Variants in NFIB observed in about 807,000 individuals in gnomAD.
NFIB encodes nuclear factor I B, also known as nuclear factor 1 B-type.
Under a neutral mutation model 61.5 loss-of-function variants are expected in NFIB, and 11 were observed. The observed-to-expected ratio is 0.18, with a 90% CI of 0.11 to 0.30. The LOEUF is 0.30. NFIB is among the 10% of genes least tolerant of loss of function. NFIB has a pLI of 1.00. For missense variants in NFIB, 471 were observed against 608.9 expected (o/e 0.77, Z 2.38); for synonymous variants, 260 against 216.5 (o/e 1.20, Z -1.76).
At chr9:14,352,751 CTG>C (rs2061128837) in intron 1 of NFIB, among the ~76,000 whole-genome samples, 1 of 152,234 alleles carries the variant, frequency 6.6e-6, no homozygotes, top group Non-Finnish European at 1.5e-5. Context: ...AGGGAAAGGA[CTG>C]TGTAAACTTG....
At chr9:14,340,954 T>C (rs1330133085) in intron 1 of NFIB, among the ~76,000 whole-genome samples, 1 of 151,220 alleles carries the variant, frequency 6.6e-6, no homozygotes, top group Admixed American at 6.6e-5. Context: ...CGGTAGTGGT[T>C]CTTATTTATA....
the NFIB span, among the ~76,000 whole-genome samples, chr9:14,443,621 C>T: frequency 3.3e-5 from 5 of 152,336 alleles, no homozygotes; most frequent in South Asian, 2.1e-4. Context: ...TTAACACTCT[C>T]GGAGATATCT....
chr9:14,517,871 T>C, the NFIB span, among the ~76,000 whole-genome samples: 1 of 152,190 alleles, frequency 6.6e-6, no homozygotes, highest in South Asian at 2.1e-4. Flanking sequence ...GGAATTAATC[T>C]TCTGCTCTCT....
the NFIB span, among the ~76,000 whole-genome samples, chr9:14,418,522 C>A: frequency 6.6e-6 from 1 of 152,114 alleles, no homozygotes; most frequent in Non-Finnish European, 1.5e-5. Context: ...TAGGGGTATG[C>A]TTGGAGAAGT....
chr9:14,276,225 T>C (rs1211145910), intron 2 of NFIB, among the ~76,000 whole-genome samples: 2 of 152,304 alleles, frequency 1.3e-5, no homozygotes, highest in East Asian at 3.9e-4. Flanking sequence ...AAAGATACTG[T>C]TCTTAATCCC....
chr9:14,154,224 G>T (rs563385443), intron 4 of NFIB, among the ~76,000 whole-genome samples: 72 of 152,086 alleles, frequency 4.7e-4, no homozygotes, highest in African/African-American at 1.7e-3. Flanking sequence ...CTATCATGAG[G>T]TACTAAATAA....
chr9:14,253,291 A>T (rs1007807202), intron 2 of NFIB, among the ~76,000 whole-genome samples: 1 of 152,220 alleles, frequency 6.6e-6, no homozygotes, highest in African/African-American at 2.4e-5. Flanking sequence ...TTTGAAAGAA[A>T]GAGACTTGCT....
At chr9:14,417,784 T>G in the NFIB span, among the ~76,000 whole-genome samples, 4 of 145,844 alleles carry the variant, frequency 2.7e-5, no homozygotes, top group Non-Finnish European at 4.5e-5. Context: ...GTTTTTTTTT[T>G]TTTTTTTTTT....
chr9:14,217,528 C>T (rs945951411), intron 2 of NFIB, among the ~76,000 whole-genome samples: 13 of 151,820 alleles, frequency 8.6e-5, no homozygotes, highest in Non-Finnish European at 1.5e-4. Context: ...GGCGTGGTGG[C>T]GCATGCCTGT....
At chr9:14,378,363 C>CT (rs1005516778) in intron 1 of NFIB, among the ~76,000 whole-genome samples, 10 of 152,150 alleles carry the variant, frequency 6.6e-5, no homozygotes, top group African/African-American at 2.4e-4. Context: ...TTCTTTCGTT[C>CT]TTTTTTTGTT....
the NFIB span, among the ~76,000 whole-genome samples, chr9:14,511,464 T>C: frequency 6.6e-6 from 1 of 152,160 alleles, no homozygotes; most frequent in Non-Finnish European, 1.5e-5. Flanking sequence ...TATTGAGTGC[T>C]TATTATATAA....
chr9:14,167,508 G>T (rs1008394835), intron 3 of NFIB, among the ~76,000 whole-genome samples: 3 of 152,092 alleles, frequency 2.0e-5, no homozygotes, highest in Non-Finnish European at 4.4e-5. Context: ...ACTCCAGACC[G>T]GGCAACAGAG....
intron 5 of NFIB, among the ~76,000 whole-genome samples, chr9:14,147,700 G>A (rs1587024955): frequency 7.9e-6 from 1 of 126,810 alleles, no homozygotes; most frequent in South Asian, 2.5e-4. Context: ...AGTACACTGT[G>A]GCTCAATCTT....
chr9:14,194,408 T>C (rs951617917), intron 2 of NFIB, among the ~76,000 whole-genome samples: 2 of 152,056 alleles, frequency 1.3e-5, no homozygotes, highest in Non-Finnish European at 2.9e-5. Context: ...AAGACAGAAA[T>C]AGCCCTTGAC....
the NFIB span, among the ~76,000 whole-genome samples, chr9:14,507,967 CACAA>C: frequency 4.5e-5 from 6 of 132,476 alleles, no homozygotes; most frequent in Non-Finnish European, 8.1e-5. Flanking sequence ...CACAGACACA[CACAA>C]ACACACACAC....
intron 10 of NFIB, among the ~76,000 whole-genome samples, chr9:14,107,928 T>G (rs921051783): frequency 7.2e-5 from 11 of 152,160 alleles, no homozygotes; most frequent in African/African-American, 2.7e-4. Context: ...TAATTTTACT[T>G]TTACATTAAT....
the NFIB span, among the ~76,000 whole-genome samples, chr9:14,515,667 T>C: frequency 6.6e-6 from 1 of 152,156 alleles, no homozygotes; most frequent in Non-Finnish European, 1.5e-5. Flanking sequence ...TGAGGCCCAA[T>C]GTCCTAGAAC....
chr9:14,296,174 T>G (rs146752765), intron 2 of NFIB, among the ~76,000 whole-genome samples: 1 of 152,264 alleles, frequency 6.6e-6, no homozygotes. Context: ...CACTACTGGA[T>G]AGTCTCCCTG....
At chr9:14,438,076 G>GAC in the NFIB span, among the ~76,000 whole-genome samples, 2 of 150,958 alleles carry the variant, frequency 1.3e-5, no homozygotes, top group Non-Finnish European at 3.0e-5. Flanking sequence ...GTGTGAGATG[G>GAC]AGAGAGAGAG....
Sources: gnomAD v4.1 joint callset for allele counts (sites outside exome capture counted in the v4.1 genomes callset) on GRCh38, gnomAD v4.1.1 for gene constraint, MANE v1.5 for transcripts, NCBI Gene and HGNC (gene_info 2026-07-23, HGNC 2026-07-21) for gene names.